The following ZSCAN25 variants were observed in gnomAD, a reference collection of about 807,000 sequenced individuals.
ZSCAN25 encodes zinc finger and SCAN domain containing 25, also known as zinc finger and SCAN domain-containing protein 25.
ZSCAN25 carries 27 observed loss-of-function variants against 38.7 expected under a neutral mutation model. The ratio of observed to expected loss-of-function variants is 0.70; its 90% confidence interval spans 0.51 to 0.96. The LOEUF is 0.96. Among genes scored for constraint, ZSCAN25 ranks in the 40% least tolerant of loss-of-function variants. The pLI is 0.00. For synonymous variants in ZSCAN25, 273 were observed against 277.7 expected, an observed-to-expected ratio of 0.98 and a Z score of 0.17; for missense variants, 637 against 705.9, an observed-to-expected ratio of 0.90 and a Z score of 1.11.
the ZSCAN25 span, chr7:99,708,943 C>T: frequency 0.86 from 1,203,596 of 1,392,382 alleles, 530,128 homozygotes; most frequent in Non-Finnish European, 0.91. Flanking sequence ...GACAAGCAAA[C>T]GATTGTACAA....
the ZSCAN25 span, among the ~76,000 whole-genome samples, chr7:99,698,684 A>T: frequency 6.6e-6 from 1 of 152,178 alleles, no homozygotes; most frequent in Non-Finnish European, 1.5e-5. Flanking sequence ...CATATTCCTG[A>T]CATTATTCTG....
intron 1 of ZSCAN25, 138 bp from the exon 2 acceptor site, chr7:99,618,387 A>G (rs1456549353): frequency 6.6e-6 from 1 of 151,952 alleles, no homozygotes; most frequent in Non-Finnish European, 1.5e-5. Context: ...GAGGAGTAGC[A>G]CTCATCCTAC....
the ZSCAN25 span, among the ~76,000 whole-genome samples, chr7:99,692,025 T>G: frequency 3.3e-5 from 5 of 152,200 alleles, no homozygotes; most frequent in African/African-American, 1.2e-4. Flanking sequence ...TTTTGCAGTG[T>G]CTGGTAGCAG....
chr7:99,656,095 G>T, the ZSCAN25 span, among the ~76,000 whole-genome samples: 1 of 152,090 alleles, frequency 6.6e-6, no homozygotes, highest in Non-Finnish European at 1.5e-5. Context: ...TGATTGCCCT[G>T]GCCAGAACTT....
the ZSCAN25 span, among the ~76,000 whole-genome samples, chr7:99,690,695 C>T: frequency 3.9e-5 from 6 of 152,060 alleles, no homozygotes; most frequent in African/African-American, 9.7e-5. Flanking sequence ...TGAAAAAATG[C>T]TCATCATCAC....
the ZSCAN25 span, among the ~76,000 whole-genome samples, chr7:99,655,638 C>G: frequency 6.6e-6 from 1 of 152,096 alleles, no homozygotes; most frequent in Non-Finnish European, 1.5e-5. Context: ...AGCTTGATGG[C>G]GATGGCACTG....
chr7:99,716,139 A>C, the ZSCAN25 span, among the ~76,000 whole-genome samples: 18 of 152,284 alleles, frequency 1.2e-4, no homozygotes, highest in Non-Finnish European at 2.2e-4. Context: ...AGTTAGACTT[A>C]CCTCTGAGGT....
chr7:99,676,094 G>T, the ZSCAN25 span: 2 of 1,605,898 alleles, frequency 1.2e-6, no homozygotes, highest in South Asian at 1.1e-5. Flanking sequence ...AGAAGCAAAA[G>T]AGGAAGCTCA....
At chr7:99,678,713 A>T in the ZSCAN25 span, among the ~76,000 whole-genome samples, 2,591 of 152,342 alleles carry the variant, frequency 0.017, 68 homozygotes, top group African/African-American at 0.057. Context: ...CAATTCATTT[A>T]AAAATGTTAG....
At chr7:99,671,536 T>A in the ZSCAN25 span, 1 of 347,398 alleles carries the variant, frequency 2.9e-6, no homozygotes, top group Non-Finnish European at 5.3e-6. Context: ...ACAGCCATAG[T>A]CCACAGAAAA....
the ZSCAN25 span, among the ~76,000 whole-genome samples, chr7:99,698,181 A>T: frequency 6.6e-6 from 1 of 152,226 alleles, no homozygotes; most frequent in Non-Finnish European, 1.5e-5. Context: ...CATGGTCTAC[A>T]CTACAGTTTC....
At position 99,619,702 on chromosome 7, in the gene ZSCAN25, A is replaced by G; in HGVS notation, c.96A>G (p.Gly32=). ...AGAAAGAGTTGCCATGGGGCAGAGG[A>G]AGGGAGGACCCTAGTCCAGAGACTT... is the stretch of plus-strand genomic sequence containing the variant. The part of the protein sequence containing the change: ...KLEKELPWGR[G]REDPSPETFR... The change falls in exon 4 of 8, where the codon GGA becomes GGG. Residue 32 remains glycine (G), a synonymous_variant. Transcript: ENST00000394152. 1 of 1,614,210 alleles carries G rather than the reference A, an allele frequency of 6.2e-7. No homozygotes were observed. Among genetic ancestry groups the G allele is most frequent in the Non-Finnish European group, 8.5e-7 (1 of 1,180,030 alleles).
chr7:99,638,613 T>C, the ZSCAN25 span: 18 of 1,583,526 alleles, frequency 1.1e-5, no homozygotes, highest in Admixed American at 1.7e-5. Context: ...TGTAAGTCAC[T>C]GTCTCCACGT....
At chr7:99,710,422 A>G in the ZSCAN25 span, among the ~76,000 whole-genome samples, 2 of 152,208 alleles carry the variant, frequency 1.3e-5, no homozygotes, top group Non-Finnish European at 2.9e-5. Context: ...AGAGCTCACT[A>G]TCAAGACGTG....
chr7:99,659,577 G>A, the ZSCAN25 span: 2 of 153,170 alleles, frequency 1.3e-5, no homozygotes, highest in Non-Finnish European at 2.9e-5. Flanking sequence ...CTGTGTGCTG[G>A]GAGAACCACT....
At chr7:99,700,085 T>C in the ZSCAN25 span, 1 of 1,272,874 alleles carries the variant, frequency 7.9e-7, no homozygotes, top group Non-Finnish European at 1.1e-6. Flanking sequence ...TTCAGCTGTG[T>C]GCTGTTGTTT....
the ZSCAN25 span, among the ~76,000 whole-genome samples, chr7:99,649,193 C>A: frequency 6.6e-6 from 1 of 152,188 alleles, no homozygotes; most frequent in African/African-American, 2.4e-5. Context: ...GGCCCACTTT[C>A]TCTCAGGGCT....
the ZSCAN25 span, among the ~76,000 whole-genome samples, chr7:99,683,184 C>T: frequency 6.6e-6 from 1 of 152,198 alleles, no homozygotes. Flanking sequence ...AATCCTGGCC[C>T]TGGAATCAGC....
At chr7:99,713,468 C>A in the ZSCAN25 span, 12 of 1,613,300 alleles carry the variant, frequency 7.4e-6, no homozygotes, top group African/African-American at 6.7e-5. Context: ...TCTTTTGTTA[C>A]CTTTGTGGGT....
Sources: gnomAD v4.1 joint callset for allele counts (sites outside exome capture counted in the v4.1 genomes callset) on GRCh38, gnomAD v4.1.1 for gene constraint, MANE v1.5 for transcripts, NCBI Gene and HGNC (gene_info 2026-07-23, HGNC 2026-07-21) for gene names.